Variants in LINGO2 observed in about 807,000 individuals in gnomAD.
LINGO2 encodes leucine-rich repeat and immunoglobulin-like domain-containing nogo receptor-interacting protein 2.
Under a neutral mutation model 30.6 loss-of-function variants are expected in LINGO2, and 14 were observed. The observed-to-expected ratio is 0.46, with a 90% CI of 0.30 to 0.72. LINGO2 has a LOEUF of 0.72. LINGO2 is among the 30% of genes least tolerant of loss of function. LINGO2 has a pLI of 0.07. For synonymous variants in LINGO2, 317 were observed against 288.5 expected (o/e 1.10, Z -1.00); for missense variants, 729 against 751.7 (o/e 0.97, Z 0.35).
chr9:29,152,807 T>C, the LINGO2 span, among the ~76,000 whole-genome samples: 1 of 152,170 alleles, frequency 6.6e-6, no homozygotes, highest in African/African-American at 2.4e-5. Context: ...GTTGAACATA[T>C]TTAAAATAAA....
chr9:28,245,960 G>T lies in LINGO2; in HGVS notation c.-87+49248C>A, dbSNP rs527475431. On this transcript the variant is annotated intron_variant, in intron 4 of 5. Transcript: ENST00000379992. ...AAAAAAACTACTTTAAATTTCATGTGGAATCAAAGTAGAACCCATATAGCC... is the reference window on the plus strand; with the variant it reads ...AAAAAAACTACTTTAAATTTCATGTTGAATCAAAGTAGAACCCATATAGCC... Among the ~76,000 whole-genome samples, 159 of 152,138 alleles carry T rather than the reference G, an allele frequency of 1.0e-3. 2 individuals carry two copies. The highest frequency in any genetic ancestry group is 3.7e-3 in the African/African-American group (152 of 41,520).
At chr9:28,381,697 C>T (rs984559379) in intron 2 of LINGO2, among the ~76,000 whole-genome samples, 5 of 152,058 alleles carry the variant, frequency 3.3e-5, no homozygotes, top group African/African-American at 1.2e-4. Context: ...TCTGCCCCTA[C>T]CTTAACCAAT....
intron 1 of LINGO2, among the ~76,000 whole-genome samples, chr9:28,502,759 A>T (rs1819942216): frequency 1.3e-5 from 2 of 152,132 alleles, no homozygotes; most frequent in African/African-American, 4.8e-5. Context: ...ATACAGTGCA[A>T]CAGGCCACTA....
the LINGO2 span, among the ~76,000 whole-genome samples, chr9:29,126,894 C>T: frequency 2.0e-5 from 3 of 152,062 alleles, no homozygotes; most frequent in Non-Finnish European, 4.4e-5. Context: ...TGATCAGAGG[C>T]TACTCCCTTT....
At chr9:28,666,815 G>A (rs911389380) in intron 1 of LINGO2, among the ~76,000 whole-genome samples, 1 of 152,152 alleles carries the variant, frequency 6.6e-6, no homozygotes, top group African/African-American at 2.4e-5. Flanking sequence ...ACTTTTGTCA[G>A]TTTTTCTCAG....
the LINGO2 span, among the ~76,000 whole-genome samples, chr9:29,001,034 T>C: frequency 1.3e-5 from 2 of 151,962 alleles, no homozygotes; most frequent in Non-Finnish European, 2.9e-5. Context: ...CAATATTTCA[T>C]GCATACGACA....
At chr9:28,582,170 A>T (rs1291566891) in intron 1 of LINGO2, among the ~76,000 whole-genome samples, 1 of 152,100 alleles carries the variant, frequency 6.6e-6, no homozygotes, top group Non-Finnish European at 1.5e-5. Flanking sequence ...TGATGAAAAC[A>T]CAAGCTGAAA....
At chr9:28,051,569 G>T (rs1322584043) in intron 4 of LINGO2, among the ~76,000 whole-genome samples, 2 of 152,036 alleles carry the variant, frequency 1.3e-5, no homozygotes, top group Non-Finnish European at 2.9e-5. Flanking sequence ...CCTCTTAGAG[G>T]TGATTTCATC....
At chr9:29,134,452 GA>G in the LINGO2 span, among the ~76,000 whole-genome samples, 109 of 151,300 alleles carry the variant, frequency 7.2e-4, no homozygotes, top group Non-Finnish European at 1.2e-3. Flanking sequence ...ATAACCATGT[GA>G]TTTTTTTTAT....
At chr9:28,304,388 A>G (rs10812776) in intron 3 of LINGO2, among the ~76,000 whole-genome samples, 16,172 of 151,582 alleles carry the variant, frequency 0.11, 1,121 homozygotes, top group Middle Eastern at 0.26. Flanking sequence ...ATATGTATAT[A>G]TATGTAATTA....
At chr9:29,051,203 G>A in the LINGO2 span, among the ~76,000 whole-genome samples, 5 of 151,960 alleles carry the variant, frequency 3.3e-5, no homozygotes, top group East Asian at 3.9e-4. Context: ...TACATTCTAC[G>A]GGTTTGGACA....
chr9:28,540,687 G>A (rs1821652204), intron 1 of LINGO2, among the ~76,000 whole-genome samples: 1 of 152,092 alleles, frequency 6.6e-6, no homozygotes, highest in African/African-American at 2.4e-5. Flanking sequence ...TAGTCACTAG[G>A]ACTTAGATAT....
At chr9:28,032,446 AC>A (rs576029228) in intron 4 of LINGO2, among the ~76,000 whole-genome samples, 114 of 152,218 alleles carry the variant, frequency 7.5e-4, no homozygotes, top group Non-Finnish European at 1.2e-3. Context: ...CACATAACTA[AC>A]TGCTCATGCC....
chr9:28,265,877 T>C (rs951431120), intron 4 of LINGO2, among the ~76,000 whole-genome samples: 3 of 152,010 alleles, frequency 2.0e-5, no homozygotes, highest in African/African-American at 7.2e-5. Context: ...ATGCTTTGGT[T>C]AGGTTTAAAG....
At chr9:28,433,254 G>A (rs935666796) in intron 2 of LINGO2, among the ~76,000 whole-genome samples, 2 of 152,078 alleles carry the variant, frequency 1.3e-5, no homozygotes, top group African/African-American at 4.8e-5. Flanking sequence ...ACCCACGCCT[G>A]TTATCCCTTT....
chr9:29,136,506 T>C, the LINGO2 span, among the ~76,000 whole-genome samples: 2 of 152,170 alleles, frequency 1.3e-5, no homozygotes, highest in Non-Finnish European at 2.9e-5. Context: ...CTAATATTTT[T>C]ATTACCTGAC....
intron 4 of LINGO2, among the ~76,000 whole-genome samples, chr9:28,088,668 T>G (rs1242265218): frequency 6.6e-6 from 1 of 152,016 alleles, no homozygotes; most frequent in Non-Finnish European, 1.5e-5. Flanking sequence ...AAGAGCAAAA[T>G]AACCAGCTAA....
chr9:28,988,960 G>A, the LINGO2 span, among the ~76,000 whole-genome samples: 2 of 152,248 alleles, frequency 1.3e-5, no homozygotes, highest in African/African-American at 4.8e-5. Flanking sequence ...TTCTGTTGCA[G>A]GGAAGTGTAA....
intron 2 of LINGO2, among the ~76,000 whole-genome samples, chr9:28,383,254 T>TGTGTGTGTG (rs1554714266): frequency 1.4e-5 from 1 of 73,638 alleles, no homozygotes; most frequent in African/African-American, 3.5e-5. Flanking sequence ...TCACCATTCA[T>TGTGTGTGTG]TGTGTGTGTG....
Sources: gnomAD v4.1 joint callset for allele counts (sites outside exome capture counted in the v4.1 genomes callset) on GRCh38, gnomAD v4.1.1 for gene constraint, MANE v1.5 for transcripts, NCBI Gene and HGNC (gene_info 2026-07-23, HGNC 2026-07-21) for gene names.